ANTXR2: variants seen among roughly 807,000 people sequenced by gnomAD.
ANTXR2 encodes the protein anthrax toxin receptor 2.
A neutral mutation model predicts 73.7 loss-of-function variants in ANTXR2; 44 were observed. That is an observed-to-expected ratio of 0.60 (90% CI 0.47 to 0.77). The LOEUF (loss-of-function observed/expected upper bound fraction) is 0.77, where lower values mean the gene tolerates loss of function less well. Among genes scored for constraint, ANTXR2 ranks in the 30% least tolerant of loss-of-function variants. ANTXR2 has a pLI of 0.00. For missense variants in ANTXR2, 604 were observed against 592.5 expected (o/e 1.02, Z -0.20); for synonymous variants, 217 against 205.9 (o/e 1.05, Z -0.46).
chr4:79,956,292 A>G (rs1728883019), intron 16 of ANTXR2, among the ~76,000 whole-genome samples: 1 of 152,180 alleles, frequency 6.6e-6, no homozygotes, highest in South Asian at 2.1e-4. Flanking sequence ...TTGATAACCC[A>G]GGCACCAGAA....
chr4:79,949,580 G>T (rs1006323852), intron 16 of ANTXR2, among the ~76,000 whole-genome samples: 1 of 152,150 alleles, frequency 6.6e-6, no homozygotes, highest in Admixed American at 6.6e-5. Context: ...TTTCTTGGTA[G>T]ATCATCTTTT....
chr4:79,977,945 CAA>C (rs1560929063), intron 15 of ANTXR2, 60 bp downstream of exon 15: 2 of 1,503,326 alleles, frequency 1.3e-6, no homozygotes, highest in African/African-American at 2.8e-5. Flanking sequence ...GGATGTGGTA[CAA>C]AAAAAGTTAC....
Position 79,993,782 on chromosome 4 carries a change from A to ACACACACACACACG in ANTXR2, c.1042-8920_1042-8919insCGTGTGTGTGTGTG, listed in dbSNP as rs755550984. On this transcript the variant is annotated intron_variant, in intron 12 of 16. Coordinates refer to ENST00000403729, the MANE Select transcript of ANTXR2 (RefSeq NM_058172.6). ...CACGCACACACACACACACACACAC[A>ACACACACACACACG]CATGCACTTTTTCTTTCAGAGGAGA... Among the ~76,000 whole-genome samples, 859 of 151,504 alleles carry ACACACACACACACG rather than the reference A, an allele frequency of 5.7e-3. 3 individuals carry two copies. Among genetic ancestry groups the ACACACACACACACG allele is most frequent in the Middle Eastern group, 0.01 (3 of 294 alleles).
At position 80,072,530 on chromosome 4, in the gene ANTXR2, G is replaced by C. The variant is rs763998810; in HGVS notation, c.31C>G (p.Pro11Ala). The C allele has an allele frequency of 1.3e-6, 2 of 1,593,322 alleles. No individual in the cohort carries two copies. The highest frequency in any genetic ancestry group is 8.5e-7 in the Non-Finnish European group (1 of 1,171,504). MVAERSPARS[P>A]GSWLFPGLWL... ...AGCCCGGGGAACAGCCAGCTCCCGG[G>C]GCTGCGGGCCGGGGACCGCTCCGCC... Residue 11 changes from proline (P) to alanine (A), a missense_variant, in exon 1 of 17, where the codon CCC becomes GCC. Pro to Ala is a conservative substitution (Grantham distance 27). Coordinates refer to ENST00000403729, the MANE Select transcript of ANTXR2 (RefSeq NM_058172.6).
intron 3 of ANTXR2, among the ~76,000 whole-genome samples, chr4:80,068,476 C>T (rs17509725): frequency 0.44 from 66,399 of 152,024 alleles, 17,503 homozygotes; most frequent in African/African-American, 0.74. Flanking sequence ...TTCTTTAAAA[C>T]ATGTCAGTGA....
At chr4:79,926,850 G>C (rs7688068) in intron 16 of ANTXR2, among the ~76,000 whole-genome samples, 85,443 of 150,444 alleles carry the variant, frequency 0.57, 24,480 homozygotes, top group Non-Finnish European at 0.6. Flanking sequence ...CAGATAAATG[G>C]ATAAAGAAAT....
At chr4:79,919,789 A>G (rs1047507929) in intron 16 of ANTXR2, among the ~76,000 whole-genome samples, 1 of 86,498 alleles carries the variant, frequency 1.2e-5, no homozygotes, top group Non-Finnish European at 2.5e-5. Flanking sequence ...GTGAGTCAAT[A>G]CTCCTTAATA....
intron 12 of ANTXR2, among the ~76,000 whole-genome samples, chr4:79,993,782 A>ACG (rs1730597797): frequency 6.6e-6 from 1 of 151,402 alleles, no homozygotes; most frequent in Non-Finnish European, 1.5e-5. Flanking sequence ...ACACACACAC[A>ACG]CATGCACTTT....
rs184529892 is a variant in ANTXR2 at position 79,987,340 on chromosome 4, C to T, written c.1042-2477G>A. On this transcript the variant is annotated intron_variant, in intron 12 of 16. Coordinates refer to ENST00000403729, the MANE Select transcript of ANTXR2 (RefSeq NM_058172.6). ...TGCTATAAGACTTTTATAATGCAATCGGAAGCATTAATTACAAAATAGATG... is the reference window on the plus strand; with the variant it reads ...TGCTATAAGACTTTTATAATGCAATTGGAAGCATTAATTACAAAATAGATG... Among the ~76,000 whole-genome samples, 46 of 151,342 alleles carry T rather than the reference C, an allele frequency of 3.0e-4. No homozygotes were observed. The East Asian group carries it at 3.9e-3, about 13-fold the overall frequency.
chr4:80,041,520 C>T (rs370935565), intron 7 of ANTXR2, among the ~76,000 whole-genome samples: 15 of 151,712 alleles, frequency 9.9e-5, no homozygotes, highest in South Asian at 2.1e-4. Context: ...TTGTTACATA[C>T]GTCAACATGT....
At chr4:79,961,585 C>T (rs1202129243) in intron 16 of ANTXR2, among the ~76,000 whole-genome samples, 1 of 152,038 alleles carries the variant, frequency 6.6e-6, no homozygotes, top group Non-Finnish European at 1.5e-5. Context: ...CAGGCATGTT[C>T]CACTCTACCA....
At chr4:79,931,447 T>G (rs1220367199) in intron 16 of ANTXR2, among the ~76,000 whole-genome samples, 2 of 94,066 alleles carry the variant, frequency 2.1e-5, no homozygotes, top group Admixed American at 1.2e-4. Flanking sequence ...TTTCCTCGCT[T>G]CTTCTCTCTC....
chr4:80,055,900 T>C (rs1360959195), intron 4 of ANTXR2, 32 bp downstream of exon 4: 1 of 1,383,982 alleles, frequency 7.2e-7, no homozygotes, highest in Non-Finnish European at 9.8e-7. Flanking sequence ...GAAAGCATTC[T>C]CTCCCATATT....
intron 7 of ANTXR2, among the ~76,000 whole-genome samples, chr4:80,036,370 C>G (rs971427664): frequency 6.6e-6 from 1 of 151,990 alleles, no homozygotes. Context: ...GTTGACTTTC[C>G]CAATCAAGCA....
At chr4:80,066,946 C>T (rs1300527982) in intron 3 of ANTXR2, among the ~76,000 whole-genome samples, 3 of 152,072 alleles carry the variant, frequency 2.0e-5, no homozygotes, top group African/African-American at 4.8e-5. Context: ...GCCTGTAATC[C>T]TAGCACTTTG....
intron 16 of ANTXR2, among the ~76,000 whole-genome samples, chr4:79,914,962 G>A (rs1727286284): frequency 6.6e-6 from 1 of 152,108 alleles, no homozygotes; most frequent in Admixed American, 6.6e-5. Flanking sequence ...AATGTACCAA[G>A]GATATGACAG....
chr4:80,068,821 A>G (rs761967734), intron 3 of ANTXR2, among the ~76,000 whole-genome samples: 2 of 152,208 alleles, frequency 1.3e-5, no homozygotes, highest in South Asian at 2.1e-4. Context: ...CTAACTTGTC[A>G]TTGACACTGT....
At chr4:79,907,505 C>A in intron 16 of ANTXR2, 38 bp from the exon 17 acceptor site, 2 of 1,591,052 alleles carry the variant, frequency 1.3e-6, no homozygotes, top group Non-Finnish European at 8.6e-7. Flanking sequence ...AATATTGAAG[C>A]CATTATTTAA....
intron 16 of ANTXR2, among the ~76,000 whole-genome samples, chr4:79,954,885 T>C (rs2109987150): frequency 6.6e-6 from 1 of 152,276 alleles, no homozygotes; most frequent in East Asian, 1.9e-4. Context: ...CTGATTTAAG[T>C]AAAAGTGATT....
Sources: allele counts gnomAD v4.1 joint callset (sites outside exome capture counted in the v4.1 genomes callset), GRCh38; gene constraint gnomAD v4.1.1; transcripts MANE v1.5; gene names NCBI Gene and HGNC (gene_info 2026-07-23, HGNC 2026-07-21).